Variants in GALNT1 observed in about 807,000 individuals in gnomAD.
GALNT1 encodes the protein GalNAc transferase 1.
Under a neutral mutation model 65.7 loss-of-function variants are expected in GALNT1, and 17 were observed. The observed-to-expected ratio is 0.26, with a 90% confidence interval of 0.18 to 0.39. The LOEUF (loss-of-function observed/expected upper bound fraction) is 0.39. Among genes scored for constraint, GALNT1 ranks in the 10% least tolerant of loss-of-function variants. The pLI is 1.00. For synonymous variants in GALNT1, 210 were observed against 219.7 expected (o/e 0.96, Z 0.39); for missense variants, 460 against 672.8 (o/e 0.68, Z 3.50).
chr18:35,617,887 A>G (rs1358566065), intron 1 of GALNT1, among the ~76,000 whole-genome samples: 1 of 152,206 alleles, frequency 6.6e-6, no homozygotes, highest in East Asian at 1.9e-4. Flanking sequence ...TAAAAAAATA[A>G]AAACAATACC....
At chr18:35,661,712 A>G (rs1006785927) in intron 2 of GALNT1, among the ~76,000 whole-genome samples, 1 of 152,034 alleles carries the variant, frequency 6.6e-6, no homozygotes, top group African/African-American at 2.4e-5. Flanking sequence ...GGTGCATGCC[A>G]TGTCCCTTTG....
intron 1 of GALNT1, among the ~76,000 whole-genome samples, chr18:35,627,210 C>T (rs1263337789): frequency 6.6e-6 from 1 of 152,164 alleles, no homozygotes; most frequent in African/African-American, 2.4e-5. Flanking sequence ...CATTGGATCT[C>T]AGTAATAGTT....
intron 11 of GALNT1, among the ~76,000 whole-genome samples, chr18:35,704,390 C>T (rs956380490): frequency 6.6e-6 from 1 of 151,600 alleles, no homozygotes; most frequent in Non-Finnish European, 1.5e-5. Context: ...GCTCACACAA[C>T]CTCCACCTCC....
At chr18:35,646,995 C>G (rs1428857318) in intron 1 of GALNT1, among the ~76,000 whole-genome samples, 1 of 152,190 alleles carries the variant, frequency 6.6e-6, no homozygotes. Flanking sequence ...CTTTCTCTGT[C>G]CAGCTGTACA....
intron 1 of GALNT1, among the ~76,000 whole-genome samples, chr18:35,629,399 T>TG (rs1342861644): frequency 6.6e-6 from 1 of 151,824 alleles, no homozygotes; most frequent in East Asian, 1.9e-4. Context: ...CAGAAGAGAG[T>TG]GGGGGCCAAT....
chr18:35,625,142 C>T (rs903175713), intron 1 of GALNT1, among the ~76,000 whole-genome samples: 2 of 152,144 alleles, frequency 1.3e-5, no homozygotes, highest in African/African-American at 4.8e-5. Context: ...CTTTAGGGCT[C>T]AAGTATGAAA....
intron 5 of GALNT1, among the ~76,000 whole-genome samples, chr18:35,686,738 A>C (rs753229751): frequency 7.9e-5 from 12 of 152,244 alleles, no homozygotes; most frequent in Non-Finnish European, 1.3e-4. Context: ...TAAAAAACAA[A>C]AAAAAAATTT....
chr18:35,591,916 A>G (rs1459720051), intron 1 of GALNT1: 2 of 154,434 alleles, frequency 1.3e-5, no homozygotes, highest in Non-Finnish European at 2.9e-5. Flanking sequence ...GGGTGTCACC[A>G]TTAACAGCAA....
intron 5 of GALNT1, among the ~76,000 whole-genome samples, chr18:35,684,077 G>A (rs2047829089): frequency 6.6e-6 from 1 of 152,148 alleles, no homozygotes. Flanking sequence ...GAAGAACAGT[G>A]GTGTAATGAA....
chr18:35,636,860 C>T (rs2047098024), intron 1 of GALNT1, among the ~76,000 whole-genome samples: 1 of 147,260 alleles, frequency 6.8e-6, no homozygotes, highest in African/African-American at 2.5e-5. Flanking sequence ...CCATAGGCAC[C>T]ATTTTTCCAA....
intron 1 of GALNT1, among the ~76,000 whole-genome samples, chr18:35,651,372 T>C (rs561688951): frequency 2.4e-4 from 37 of 152,304 alleles, no homozygotes; most frequent in Non-Finnish European, 4.4e-4. Flanking sequence ...GGAAAAAAAC[T>C]TCAAAATGTA....
chr18:35,650,920 A>G (rs866270472), intron 1 of GALNT1, among the ~76,000 whole-genome samples: 1 of 152,234 alleles, frequency 6.6e-6, no homozygotes, highest in Non-Finnish European at 1.5e-5. Context: ...AAAGACAGGC[A>G]TAGGAAATCA....
At chr18:35,630,989 C>G (rs2046999400) in intron 1 of GALNT1, among the ~76,000 whole-genome samples, 1 of 152,124 alleles carries the variant, frequency 6.6e-6, no homozygotes, top group African/African-American at 2.4e-5. Flanking sequence ...ATACACTCTC[C>G]CAAGACTAAA....
At chr18:35,695,600 G>C (rs970076801) in intron 9 of GALNT1, among the ~76,000 whole-genome samples, 1 of 152,148 alleles carries the variant, frequency 6.6e-6, no homozygotes, top group African/African-American at 2.4e-5. Context: ...TCAGTGCCAG[G>C]GCAGGCACAG....
At position 35,709,406 on chromosome 18, in the gene GALNT1, A is replaced by T. The variant is rs190685836; in HGVS notation, c.1534-218A>T. 2.0e-5 allele frequency among the ~76,000 whole-genome samples: 3 copies of T among 149,036 alleles called. No individual in the cohort carries two copies. The East Asian group carries it at 6.0e-4, about 30-fold the overall frequency. On this transcript the variant is annotated intron_variant, in intron 11 of 11. Coordinates refer to ENST00000269195, the MANE Select transcript of GALNT1 (RefSeq NM_020474.4). The stretch of plus-strand genomic sequence containing the variant: ...CCCAGTGCCTTTCTCCCTCCCTCAT[A>T]CCTCTTTATCGACCTACATATCTAC...
At chr18:35,685,032 A>G (rs1483093434) in intron 5 of GALNT1, among the ~76,000 whole-genome samples, 1 of 152,216 alleles carries the variant, frequency 6.6e-6, no homozygotes, top group Non-Finnish European at 1.5e-5. Flanking sequence ...CAGAGGGGAA[A>G]CAAATCTCCC....
intron 9 of GALNT1, among the ~76,000 whole-genome samples, chr18:35,693,158 G>A (rs773366301): frequency 4.7e-4 from 71 of 151,872 alleles, no homozygotes; most frequent in Admixed American, 8.5e-4. Flanking sequence ...GAAAGAGTAC[G>A]GAAGTTGAAA....
chr18:35,685,920 T>G (rs1701929596), intron 5 of GALNT1, among the ~76,000 whole-genome samples: 1 of 151,982 alleles, frequency 6.6e-6, no homozygotes, highest in Admixed American at 6.6e-5. Flanking sequence ...TACAAAAAAT[T>G]AGGCAGTCGT....
intron 1 of GALNT1, among the ~76,000 whole-genome samples, chr18:35,613,104 C>T (rs2046738572): frequency 6.6e-6 from 1 of 152,166 alleles, no homozygotes; most frequent in South Asian, 2.1e-4. Flanking sequence ...GCAATACCTT[C>T]TGTGCTATAA....
Sources: allele counts gnomAD v4.1 joint callset (sites outside exome capture counted in the v4.1 genomes callset), GRCh38; gene constraint gnomAD v4.1.1; transcripts MANE v1.5; gene names NCBI Gene and HGNC (gene_info 2026-07-23, HGNC 2026-07-21).